The following GRM8 variants were observed in gnomAD, a reference collection of about 807,000 sequenced individuals.
GRM8 encodes metabotropic glutamate receptor 8.
A neutral mutation model predicts 87.2 loss-of-function variants in GRM8; 47 were observed. The ratio of observed to expected loss-of-function variants is 0.54; its 90% CI spans 0.43 to 0.69. The LOEUF (loss-of-function observed/expected upper bound fraction) is 0.69, where lower values mean the gene tolerates loss of function less well. Among genes scored for constraint, GRM8 ranks in the 30% least tolerant of loss-of-function variants. GRM8 has a pLI of 0.00. For synonymous variants in GRM8, 396 were observed against 404.5 expected, an observed-to-expected ratio of 0.98 and a Z score of 0.25; for missense variants, 1,019 against 1,139.2, an observed-to-expected ratio of 0.89 and a Z score of 1.52.
chr7:127,106,367 G>T, intron 3 of GRM8, 129 bp downstream of exon 3: 1 of 696,834 alleles, frequency 1.4e-6, no homozygotes, highest in Non-Finnish European at 2.5e-6. Flanking sequence ...TCCCTCTAGA[G>T]TGGACAGCCT....
rs141115497 is a variant in GRM8 at position 126,947,444 on chromosome 7, G to T, written c.728-42761C>A. 5.4e-3 allele frequency among the ~76,000 whole-genome samples: 827 copies of T among 152,192 alleles called. 3 individuals are homozygous for T. Among genetic ancestry groups the T allele is most frequent in the Middle Eastern group, 0.014 (4 of 294 alleles). ...GTACAAACTGGAGACTCCAGAGGCT[G>T]CATTCTGCTTCAGACCAGTGCTGGG... On this transcript the variant is annotated intron_variant, in intron 3 of 10. Transcript: ENST00000339582.
chr7:126,750,091 T>C (rs1324407610), intron 7 of GRM8, among the ~76,000 whole-genome samples: 1 of 152,086 alleles, frequency 6.6e-6, no homozygotes, highest in African/African-American at 2.4e-5. Flanking sequence ...ACAATCCAAA[T>C]GTCCATCAAC....
intron 2 of GRM8, among the ~76,000 whole-genome samples, chr7:127,240,051 AGG>A: frequency 1.3e-5 from 2 of 152,294 alleles, no homozygotes; most frequent in South Asian, 4.1e-4. Context: ...ACTTCAGTTA[AGG>A]GTAGCAAGAG....
In GRM8 at chr7:127,242,279, C is replaced by A. The variant is rs1038209450; in HGVS notation, c.510+416G>T. ...ACTTTTGTCATAACAGAGCATCCCA[C>A]CTTAAAGAAGTTTCACTCAGTAAAT... is the stretch of plus-strand genomic sequence containing the variant. On this transcript the variant is annotated intron_variant, in intron 2 of 10. Transcript: ENST00000339582. 3.9e-5 allele frequency among the ~76,000 whole-genome samples: 6 copies of A among 152,260 alleles called. No individual in the cohort carries two copies. In the East Asian group the frequency reaches 1.2e-3, roughly 29 times the overall value.
intron 9 of GRM8, among the ~76,000 whole-genome samples, chr7:126,530,764 T>G (rs757362753): frequency 2.0e-5 from 3 of 152,258 alleles, no homozygotes; most frequent in Non-Finnish European, 2.9e-5. Flanking sequence ...AATATTCATG[T>G]CAATAATTTA....
chr7:126,659,663 G>A (rs1585409544), intron 7 of GRM8, among the ~76,000 whole-genome samples: 1 of 152,256 alleles, frequency 6.6e-6, no homozygotes, highest in Non-Finnish European at 1.5e-5. Context: ...AATACATTGT[G>A]TGCTTTGCCA....
intron 3 of GRM8, among the ~76,000 whole-genome samples, chr7:127,017,394 T>C (rs1349489849): frequency 1.3e-5 from 2 of 151,958 alleles, no homozygotes; most frequent in Non-Finnish European, 2.9e-5. Flanking sequence ...ATCCCACATG[T>C]ACCAGCACCC....
chr7:126,628,062 C>G (rs1446122007), intron 7 of GRM8, among the ~76,000 whole-genome samples: 1 of 150,754 alleles, frequency 6.6e-6, no homozygotes, highest in African/African-American at 2.4e-5. Context: ...TTTTTTTGTT[C>G]GAGACACAGC....
intron 9 of GRM8, among the ~76,000 whole-genome samples, chr7:126,457,959 GGAA>G (rs1424107834): frequency 2.7e-5 from 4 of 150,200 alleles, no homozygotes; most frequent in East Asian, 2.0e-4. Context: ...TCCTAAAAAG[GGAA>G]GAAGATGTGA....
chr7:126,760,904 A>G (rs1417652659), intron 7 of GRM8, among the ~76,000 whole-genome samples: 6 of 152,208 alleles, frequency 3.9e-5, no homozygotes, highest in Non-Finnish European at 7.4e-5. Context: ...TCTACTTATA[A>G]AAGTAGATGA....
At chr7:126,478,190 A>G (rs1806224219) in intron 9 of GRM8, among the ~76,000 whole-genome samples, 1 of 152,136 alleles carries the variant, frequency 6.6e-6, no homozygotes. Context: ...GACACCATTT[A>G]ACACACAACA....
At chr7:127,218,336 G>A (rs1796700144) in intron 2 of GRM8, among the ~76,000 whole-genome samples, 1 of 152,178 alleles carries the variant, frequency 6.6e-6, no homozygotes, top group South Asian at 2.1e-4. Context: ...TTGGACTCCA[G>A]CATCCATGTT....
chr7:126,494,709 T>C (rs868866424), intron 9 of GRM8, among the ~76,000 whole-genome samples: 6 of 152,106 alleles, frequency 3.9e-5, no homozygotes, highest in Middle Eastern at 3.4e-3. Context: ...TCTTCAAAAA[T>C]AGAATTGTAC....
chr7:127,001,536 G>T (rs1283484558), intron 3 of GRM8, among the ~76,000 whole-genome samples: 1 of 151,658 alleles, frequency 6.6e-6, no homozygotes, highest in Non-Finnish European at 1.5e-5. Context: ...ACCACATTTA[G>T]TTACCATTAC....
rs568626844 is a variant in GRM8, at chr7:126,863,975, T to C, written c.1156+38567A>G. On this transcript the variant is annotated intron_variant, in intron 6 of 10. Transcript: ENST00000339582. ...TATCATTTTTCATTTTTAATTATTA[T>C]ATATATAAACATATACAAATATATA... Among the ~76,000 whole-genome samples, 147 of 150,880 alleles carry C rather than the reference T, an allele frequency of 9.7e-4. 1 individual carries two copies. The highest frequency in any genetic ancestry group is 2.7e-3 in the Admixed American group (41 of 15,136).
At chr7:127,250,323 T>C (rs1238626266) in intron 1 of GRM8, among the ~76,000 whole-genome samples, 1 of 152,214 alleles carries the variant, frequency 6.6e-6, no homozygotes, top group Non-Finnish European at 1.5e-5. Flanking sequence ...ATGTAGATGT[T>C]TTTAGAATTA....
intron 7 of GRM8, among the ~76,000 whole-genome samples, chr7:126,716,332 G>T (rs1350156175): frequency 2.0e-5 from 3 of 151,266 alleles, no homozygotes; most frequent in Non-Finnish European, 4.4e-5. Context: ...TAACTATCTG[G>T]AGTTGTGAAG....
intron 7 of GRM8, among the ~76,000 whole-genome samples, chr7:126,720,198 G>A (rs1812230528): frequency 6.6e-6 from 1 of 151,224 alleles, no homozygotes; most frequent in African/African-American, 2.4e-5. Flanking sequence ...ACCCAGACCG[G>A]AGTACAGTGG....
chr7:126,960,316 G>C (rs997042579), intron 3 of GRM8, among the ~76,000 whole-genome samples: 1 of 152,092 alleles, frequency 6.6e-6, no homozygotes, highest in African/African-American at 2.4e-5. Flanking sequence ...TTTTATTCAG[G>C]CTTCTTCGAA....
Sources: gnomAD v4.1 joint callset for allele counts (sites outside exome capture counted in the v4.1 genomes callset) on GRCh38, gnomAD v4.1.1 for gene constraint, MANE v1.5 for transcripts, NCBI Gene and HGNC (gene_info 2026-07-23, HGNC 2026-07-21) for gene names.